BICRAL: variants seen among roughly 807,000 people sequenced by gnomAD.
BICRAL encodes the protein BRD4-interacting chromatin-remodeling complex-associated protein-like.
Under a neutral mutation model 91.8 loss-of-function variants are expected in BICRAL, and 8 were observed. The observed-to-expected ratio is 0.09, with a 90% CI of 0.05 to 0.16. The LOEUF (loss-of-function observed/expected upper bound fraction) is 0.16, where lower values mean the gene tolerates loss of function less well. Among genes scored for constraint, BICRAL ranks in the 10% least tolerant of loss-of-function variants. BICRAL has a pLI of 1.00. For missense variants in BICRAL, 1,038 were observed against 1,310.9 expected (o/e 0.79, Z 3.21); for synonymous variants, 445 against 491.1 (o/e 0.91, Z 1.24).
chr6:42,776,294 C>T (rs1013941057), intron 1 of BICRAL, among the ~76,000 whole-genome samples: 1 of 152,042 alleles, frequency 6.6e-6, no homozygotes, highest in African/African-American at 2.4e-5. Flanking sequence ...ATCTTGGCCT[C>T]CCAAAGTGCT....
chr6:42,782,914 G>T (rs1762963926), intron 1 of BICRAL, among the ~76,000 whole-genome samples: 1 of 148,448 alleles, frequency 6.7e-6, no homozygotes, highest in African/African-American at 2.5e-5. Context: ...TTCTCTCTCG[G>T]AAGCTCTAGG....
chr6:42,817,890 AG>A (rs1764040715), intron 2 of BICRAL, among the ~76,000 whole-genome samples: 1 of 151,292 alleles, frequency 6.6e-6, no homozygotes, highest in South Asian at 2.1e-4. Context: ...CTGTAGGCCC[AG>A]CTACTTAGGG....
chr6:42,767,851 G>A (rs1322027166), intron 1 of BICRAL, among the ~76,000 whole-genome samples: 1 of 152,158 alleles, frequency 6.6e-6, no homozygotes, highest in East Asian at 1.9e-4. Flanking sequence ...GGAACACCAG[G>A]CAACAGGAAG....
At chr6:42,757,768 C>A (rs1762484469) in intron 1 of BICRAL, among the ~76,000 whole-genome samples, 1 of 152,206 alleles carries the variant, frequency 6.6e-6, no homozygotes. Context: ...CACAACATCC[C>A]TGTGATGTAC....
At chr6:42,812,504 C>T (rs1763868812) in intron 2 of BICRAL, among the ~76,000 whole-genome samples, 1 of 151,870 alleles carries the variant, frequency 6.6e-6, no homozygotes, top group Non-Finnish European at 1.5e-5. Context: ...CAAATAATGG[C>T]ATGGAATCTC....
At chr6:42,774,876 A>C (rs902989648) in intron 1 of BICRAL, among the ~76,000 whole-genome samples, 1 of 151,366 alleles carries the variant, frequency 6.6e-6, no homozygotes, top group Non-Finnish European at 1.5e-5. Context: ...GTGCCTGCTT[A>C]GTACATACTT....
intron 1 of BICRAL, among the ~76,000 whole-genome samples, chr6:42,795,509 A>C (rs1033609105): frequency 6.6e-6 from 1 of 152,214 alleles, no homozygotes; most frequent in Non-Finnish European, 1.5e-5. Flanking sequence ...GTCATATATT[A>C]CCTAAATTCC....
Position 42,834,251 on chromosome 6 carries a change from T to G in BICRAL, c.1839+4079T>G, listed in dbSNP as rs1384641460. On this transcript the variant is annotated intron_variant, in intron 6 of 12. Coordinates refer to ENST00000314073, the MANE Select transcript of BICRAL (RefSeq NM_001393499.1). Reference sequence around the variant, plus strand: ...TGCCACAGAAGTGAGGTGTCCTCAGTGCTCAGGATGTGAATTTGTCCCATT... The same window carrying G: ...TGCCACAGAAGTGAGGTGTCCTCAGGGCTCAGGATGTGAATTTGTCCCATT... 2.0e-5 allele frequency among the ~76,000 whole-genome samples: 3 copies of G among 152,368 alleles called. No individual in the cohort carries two copies. The East Asian group carries it at 5.8e-4, about 29-fold the overall frequency.
At chr6:42,750,676 A>G (rs1762363403) in intron 1 of BICRAL, among the ~76,000 whole-genome samples, 1 of 151,882 alleles carries the variant, frequency 6.6e-6, no homozygotes, top group South Asian at 2.1e-4. Flanking sequence ...CCTGGGTTCA[A>G]GTGATTCTCA....
At chr6:42,811,929 T>A (rs1202432428) in intron 2 of BICRAL, among the ~76,000 whole-genome samples, 1 of 152,214 alleles carries the variant, frequency 6.6e-6, no homozygotes, top group Non-Finnish European at 1.5e-5. Flanking sequence ...TCCTAAAGAT[T>A]GACAAAGCTT....
intron 6 of BICRAL, among the ~76,000 whole-genome samples, chr6:42,845,262 G>A (rs1764971322): frequency 9.9e-6 from 1 of 101,194 alleles, no homozygotes; most frequent in African/African-American, 3.7e-5. Flanking sequence ...CAGAGTTTCA[G>A]TCGTCACCCA....
intron 1 of BICRAL, among the ~76,000 whole-genome samples, chr6:42,804,047 A>C (rs1471839533): frequency 6.6e-6 from 1 of 152,086 alleles, no homozygotes; most frequent in Non-Finnish European, 1.5e-5. Flanking sequence ...TTTGAGACGG[A>C]GTTTCGCTCT....
chr6:42,851,262 A>G (rs1389594461), intron 6 of BICRAL, among the ~76,000 whole-genome samples: 1 of 152,150 alleles, frequency 6.6e-6, no homozygotes. Flanking sequence ...TGGTGCATGC[A>G]TACAATCCCA....
At chr6:42,809,869 C>T (rs552319914) in intron 1 of BICRAL, among the ~76,000 whole-genome samples, 45 of 152,278 alleles carry the variant, frequency 3.0e-4, no homozygotes, top group Admixed American at 1.8e-3. Flanking sequence ...TCACTGCAAC[C>T]TCTGCCTCCC....
At chr6:42,764,938 C>G (rs1302652757) in intron 1 of BICRAL, among the ~76,000 whole-genome samples, 1 of 152,176 alleles carries the variant, frequency 6.6e-6, no homozygotes, top group Non-Finnish European at 1.5e-5. Flanking sequence ...GGATTACAGG[C>G]ATGAGCGACC....
At chr6:42,806,136 T>C (rs897346735) in intron 1 of BICRAL, among the ~76,000 whole-genome samples, 1 of 152,232 alleles carries the variant, frequency 6.6e-6, no homozygotes, top group African/African-American at 2.4e-5. Flanking sequence ...TTCAGTCAGG[T>C]TGCCAAGATA....
In BICRAL at chr6:42,855,928, C is replaced by A. The variant is rs746784063; in HGVS notation, c.2108+11C>A. 7.5e-6 allele frequency: 12 copies of A among 1,608,856 alleles called. No individual in the cohort carries two copies. In the Admixed American group the frequency reaches 2.0e-4, roughly 27 times the overall value. ...AACGAAAGGAGCTTTGTGAGTTACT[C>A]TCGGAAATGACAAATCAATTCTGAA... is the stretch of plus-strand genomic sequence containing the variant. On this transcript the variant is annotated intron_variant, in intron 9 of 12. Transcript: ENST00000314073.
intron 6 of BICRAL, among the ~76,000 whole-genome samples, chr6:42,841,810 C>T (rs576866378): frequency 2.0e-5 from 3 of 152,306 alleles, no homozygotes; most frequent in South Asian, 4.1e-4. Flanking sequence ...ATTATTGTTC[C>T]CACGTCACAG....
At chr6:42,859,111 C>A (rs1043690278) in intron 10 of BICRAL, among the ~76,000 whole-genome samples, 21 of 152,070 alleles carry the variant, frequency 1.4e-4, no homozygotes, top group Admixed American at 1.4e-3. Context: ...TGTGAAAGGG[C>A]TGGGCATGGT....
Sources: allele counts gnomAD v4.1 joint callset (sites outside exome capture counted in the v4.1 genomes callset), GRCh38; gene constraint gnomAD v4.1.1; transcripts MANE v1.5; gene names NCBI Gene and HGNC (gene_info 2026-07-23, HGNC 2026-07-21).